ATP6V0E1: variants seen among roughly 807,000 people sequenced by gnomAD.
ATP6V0E1 encodes V-type proton ATPase subunit e 1.
Under a neutral mutation model 11.6 loss-of-function variants are expected in ATP6V0E1, and 4 were observed. The observed-to-expected ratio is 0.35, with a 90% CI of 0.17 to 0.79. The LOEUF is 0.79. Ranked by LOEUF, ATP6V0E1 falls within the 30% of genes least tolerant of loss-of-function variation. The pLI, the probability that ATP6V0E1 is intolerant of heterozygous loss-of-function variation, is 0.54. For missense variants in ATP6V0E1, 105 were observed against 100.0 expected (o/e 1.05, Z -0.21); for synonymous variants, 36 against 34.8 (o/e 1.04, Z -0.13).
chr5:173,019,076 C>G (rs927261334), intron 2 of ATP6V0E1, among the ~76,000 whole-genome samples: 2 of 152,170 alleles, frequency 1.3e-5, no homozygotes, highest in Non-Finnish European at 2.9e-5. Context: ...ACCTCAGCCT[C>G]CTGGGTAGCT....
chr5:173,016,742 A>G (rs759317511), intron 2 of ATP6V0E1, among the ~76,000 whole-genome samples: 2 of 152,192 alleles, frequency 1.3e-5, no homozygotes, highest in Non-Finnish European at 2.9e-5. Flanking sequence ...ATTAGCGTCA[A>G]CTGCAGTCAC....
chr5:172,997,975 G>A (rs1432106185), intron 2 of ATP6V0E1, among the ~76,000 whole-genome samples: 1 of 152,064 alleles, frequency 6.6e-6, no homozygotes, highest in East Asian at 1.9e-4. Context: ...CGATTGTGGT[G>A]GCACATGCCT....
intron 2 of ATP6V0E1, among the ~76,000 whole-genome samples, chr5:173,009,493 G>C (rs150944456): frequency 0.024 from 2,994 of 125,710 alleles, 65 homozygotes; most frequent in Middle Eastern, 0.081. Flanking sequence ...ACAGAGTCTC[G>C]TTCTATCATC....
chr5:172,996,104 A>G (rs1003932321), intron 2 of ATP6V0E1, among the ~76,000 whole-genome samples: 6 of 152,160 alleles, frequency 3.9e-5, no homozygotes, highest in Non-Finnish European at 7.3e-5. Flanking sequence ...TTCCAGAAAC[A>G]TTTTAATAAA....
chr5:172,986,541 G>T, intron 1 of ATP6V0E1: 1 of 252,728 alleles, frequency 4.0e-6, no homozygotes. Flanking sequence ...GGGGATGGGA[G>T]TGTTTGAGAC....
intron 3 of ATP6V0E1, among the ~76,000 whole-genome samples, chr5:173,024,833 T>C (rs1756531816): frequency 6.8e-6 from 1 of 147,596 alleles, no homozygotes; most frequent in Non-Finnish European, 1.5e-5. Flanking sequence ...TTTATTTTAT[T>C]TTTTTCTTTT....
intron 3 of ATP6V0E1, among the ~76,000 whole-genome samples, chr5:173,027,395 C>T (rs979238712): frequency 7.1e-6 from 1 of 140,828 alleles, no homozygotes; most frequent in Non-Finnish European, 1.5e-5. Flanking sequence ...CCAGTTACTC[C>T]GGAGGCTGAG....
At chr5:173,005,690 CCTT>C (rs1756218457) in intron 2 of ATP6V0E1, among the ~76,000 whole-genome samples, 1 of 152,090 alleles carries the variant, frequency 6.6e-6, no homozygotes, top group Admixed American at 6.6e-5. Flanking sequence ...ATTATTTCTT[CCTT>C]CTTACTTTGG....
intron 1 of ATP6V0E1, chr5:172,986,895 C>A: frequency 3.1e-6 from 1 of 327,422 alleles, no homozygotes; most frequent in Non-Finnish European, 6.0e-6. Flanking sequence ...TCAAGCAATT[C>A]TCCTGCCTCA....
intron 3 of ATP6V0E1, among the ~76,000 whole-genome samples, chr5:173,027,700 C>T (rs1042721032): frequency 3.9e-5 from 6 of 152,042 alleles, no homozygotes; most frequent in African/African-American, 1.4e-4. Context: ...GCGATCCTCC[C>T]ACCTTGGCTT....
chr5:173,029,816 G>A (rs1046663711), intron 3 of ATP6V0E1, among the ~76,000 whole-genome samples: 6 of 152,066 alleles, frequency 3.9e-5, no homozygotes, highest in African/African-American at 1.4e-4. Flanking sequence ...AGATAAGAAC[G>A]GCTAACCTGC....
At chr5:173,028,712 G>A (rs1756598584) in intron 3 of ATP6V0E1, among the ~76,000 whole-genome samples, 1 of 152,216 alleles carries the variant, frequency 6.6e-6, no homozygotes, top group Admixed American at 6.5e-5. Context: ...AGCACGTTAT[G>A]TTTATTGGCT....
In ATP6V0E1 at chr5:173,018,057, G is replaced by C. The variant is rs111980613; in HGVS notation, c.153-2181G>C. 8.7e-3 allele frequency among the ~76,000 whole-genome samples: 1,317 copies of C among 152,084 alleles called. 19 individuals are homozygous for C. The highest frequency in any genetic ancestry group is 0.03 in the African/African-American group (1,256 of 41,478). The stretch of plus-strand genomic sequence containing the variant: ...CATACACAGTTGACCTTTGAATAAC[G>C]TGGAAGTTAGAGGTTCCGATCCCCT... On this transcript the variant is annotated intron_variant, in intron 2 of 3. Transcript: ENST00000519374.
chr5:173,010,219 G>A (rs570703080), intron 2 of ATP6V0E1, among the ~76,000 whole-genome samples: 4 of 152,150 alleles, frequency 2.6e-5, no homozygotes, highest in African/African-American at 9.6e-5. Flanking sequence ...GTGGGTGGTC[G>A]CGGGAGAGGA....
intron 3 of ATP6V0E1, among the ~76,000 whole-genome samples, chr5:173,033,143 A>T (rs764407378): frequency 2.6e-5 from 4 of 152,192 alleles, no homozygotes; most frequent in Non-Finnish European, 5.9e-5. Flanking sequence ...TCTGTCACCT[A>T]GGCTGGGGTG....
At chr5:172,993,382 G>T (rs182288573) in intron 1 of ATP6V0E1, among the ~76,000 whole-genome samples, 1 of 150,468 alleles carries the variant, frequency 6.6e-6, no homozygotes, top group Non-Finnish European at 1.5e-5. Flanking sequence ...GGTGGTGCAT[G>T]CCCATAATCT....
chr5:173,027,901 T>G (rs1756587595), intron 3 of ATP6V0E1, among the ~76,000 whole-genome samples: 1 of 152,210 alleles, frequency 6.6e-6, no homozygotes, highest in Admixed American at 6.5e-5. Context: ...CCAGCATTGC[T>G]TTTCACTTAA....
intron 1 of ATP6V0E1, among the ~76,000 whole-genome samples, chr5:172,990,789 T>G (rs1755966970): frequency 6.6e-6 from 1 of 150,490 alleles, no homozygotes; most frequent in African/African-American, 2.5e-5. Context: ...ATTGCGCCAC[T>G]GCACTCCAGC....
chr5:173,000,241 G>A (rs1756133291), intron 2 of ATP6V0E1, among the ~76,000 whole-genome samples: 1 of 152,158 alleles, frequency 6.6e-6, no homozygotes, highest in South Asian at 2.1e-4. Flanking sequence ...TTCTCTGCCA[G>A]TAGAATCCAG....
Sources: allele counts gnomAD v4.1 joint callset (sites outside exome capture counted in the v4.1 genomes callset), GRCh38; gene constraint gnomAD v4.1.1; transcripts MANE v1.5; gene names NCBI Gene and HGNC (gene_info 2026-07-23, HGNC 2026-07-21).